Variants in PRR12 observed in about 807,000 individuals in gnomAD.
PRR12 encodes the protein proline rich 12.
Under a neutral mutation model 138.0 loss-of-function variants are expected in PRR12, and 12 were observed. The ratio of observed to expected loss-of-function variants is 0.09; its 90% CI spans 0.06 to 0.14. The LOEUF (loss-of-function observed/expected upper bound fraction) is 0.14. Among genes scored for constraint, PRR12 ranks in the 10% least tolerant of loss-of-function variants. PRR12 has a pLI of 1.00. For missense variants in PRR12, 2,692 were observed against 2,861.3 expected, an observed-to-expected ratio of 0.94 and a Z score of 1.35; for synonymous variants, 1,567 against 1,291.7, an observed-to-expected ratio of 1.21 and a Z score of -4.57.
In PRR12 at chr19:49,597,483, G is replaced by A. The variant is rs2080781580; in HGVS notation, c.3148G>A (p.Ala1050Thr). Residue 1050 changes from alanine (A) to threonine (T), a missense_variant, in exon 4 of 14, where the codon GCG becomes ACG. Ala to Thr is a moderately conservative substitution (Grantham distance 58, BLOSUM62 0). Around this residue, in one of 11 missense-constraint regions of PRR12, gnomAD observed 840 missense variants for 689.8 expected, o/e 1.22. Coordinates refer to ENST00000418929, the MANE Select transcript of PRR12 (RefSeq NM_020719.3). The surrounding 1 kb of genome is among the most constrained non-coding windows in gnomAD (Gnocchi z 6.3). ...PPPPPPPPPPAPASEPKGGLT... is the reference protein window; with the variant it reads ...PPPPPPPPPPTPASEPKGGLT... ...CCCGCCTCCGCCACCGCCGCCTCCC[G>A]CGCCGGCCTCCGAACCCAAGGGTGG... 6.5e-7 allele frequency: 1 copy of A among 1,546,698 alleles called. No individual in the cohort carries two copies. Among genetic ancestry groups the A allele is most frequent in the Non-Finnish European group, 8.7e-7 (1 of 1,147,182 alleles).
In PRR12 at chr19:49,599,528, G is replaced by T; in HGVS notation, c.3935G>T (p.Ser1312Ile). The T allele has an allele frequency of 6.3e-7, 1 of 1,597,612 alleles. No individual in the cohort carries two copies. Among genetic ancestry groups the T allele is most frequent in the Non-Finnish European group, 8.5e-7 (1 of 1,172,720 alleles). ...GLTPPLSPPK[S>I]VPPSVPARGL... The stretch of plus-strand genomic sequence containing the variant: ...ACGCCTCCGCTCAGCCCTCCCAAGA[G>T]TGTGCCACCCTCTGTGCCAGCCCGA... Residue 1312 changes from serine to isoleucine, a missense_variant, in exon 5 of 14, where the codon AGT (serine) becomes ATT (isoleucine). By Grantham distance (142) the Ser-to-Ile change is moderately radical (BLOSUM62 -2). Coordinates refer to ENST00000418929, the MANE Select transcript of PRR12 (RefSeq NM_020719.3). This position sits in a 1 kb window ranked among gnomAD's most constrained non-coding sequence, Gnocchi z 5.0.
At chr19:49,624,530 A>G (rs111648145) in intron 11 of PRR12, among the ~76,000 whole-genome samples, 790 of 79,890 alleles carry the variant, frequency 9.9e-3, no homozygotes, top group Middle Eastern at 0.026. Flanking sequence ...TCTGGGATAG[A>G]TGGTTAGGAT....
chr19:49,606,928 C>G (rs1288693890), intron 6 of PRR12, among the ~76,000 whole-genome samples: 5 of 152,014 alleles, frequency 3.3e-5, no homozygotes, highest in African/African-American at 1.2e-4. Context: ...AGAAAAACAG[C>G]AATCCAATAT....
At chr19:49,593,823 C>T (rs1599783264) in intron 2 of PRR12, among the ~76,000 whole-genome samples, 1 of 152,178 alleles carries the variant, frequency 6.6e-6, no homozygotes, top group Non-Finnish European at 1.5e-5. Flanking sequence ...CTGATTGGCT[C>T]TAATTCTCTG....
At chr19:49,604,440 G>A (rs2080828188) in intron 6 of PRR12, among the ~76,000 whole-genome samples, 1 of 151,736 alleles carries the variant, frequency 6.6e-6, no homozygotes. Flanking sequence ...CACTTTGGGA[G>A]GCCAAGACGG....
chr19:49,620,388 C>T lies in PRR12; in HGVS notation c.5534C>T (p.Ala1845Val), dbSNP rs766921774. The change falls in exon 10 of 14, where the codon GCG (alanine) becomes GTG (valine). Residue 1845 changes from alanine (A) to valine (V), a missense_variant. Physicochemically the swap from Ala to Val is moderately conservative, Grantham distance 64 (BLOSUM62 0). Around this residue, in one of 11 missense-constraint regions of PRR12, gnomAD observed 259 missense variants for 265.1 expected, o/e 0.98. Coordinates refer to ENST00000418929, the MANE Select transcript of PRR12 (RefSeq NM_020719.3). ...AVPGRLLKTR[A>V]MREMYRSYVE... ...CCTGGGCGTCTGCTCAAAACCAGGG[C>T]GATGCGGGAGATGTACCGGAGCTAC... 6.8e-6 allele frequency: 11 copies of T among 1,612,260 alleles called. No homozygotes were observed. Among genetic ancestry groups the T allele is most frequent in the East Asian group, 2.2e-5 (1 of 44,824 alleles).
rs777293184 is a variant in PRR12, at chr19:49,615,872, A to G, written c.5150A>G (p.Gln1717Arg). ...EKTTSEKPPE[Q>R]TPETAMPEPP... ...ACGACATCTGAGAAGCCCCCAGAGCAGACTCCTGAGACGGCCATGCCTGAG... is the reference window on the plus strand; with the variant it reads ...ACGACATCTGAGAAGCCCCCAGAGCGGACTCCTGAGACGGCCATGCCTGAG... The change falls in exon 9 of 14, where the codon CAG (glutamine) becomes CGG (arginine). Residue 1717 changes from glutamine to arginine, a missense_variant. Around this residue, in one of 11 missense-constraint regions of PRR12, gnomAD observed 259 missense variants for 265.1 expected, o/e 0.98. Transcript: ENST00000418929. 2 of 1,589,980 alleles carry G rather than the reference A, an allele frequency of 1.3e-6. No individual in the cohort carries two copies. The highest frequency in any genetic ancestry group is 1.7e-6 in the Non-Finnish European group (2 of 1,168,728).
At chr19:49,609,620 T>C (rs566985687) in intron 6 of PRR12, among the ~76,000 whole-genome samples, 5 of 149,668 alleles carry the variant, frequency 3.3e-5, no homozygotes, top group South Asian at 2.1e-4. Flanking sequence ...AAAAAAAAAT[T>C]TGTTGGATGG....
In PRR12 at chr19:49,625,602, G is replaced by A; in HGVS notation, c.6106G>A (p.Gly2036Arg). Residue 2036 changes from glycine (G) to arginine (R), a missense_variant, in exon 14 of 14, where the codon GGG becomes AGG. This residue lies in a region of PRR12 where 116 missense variants were observed against 243.4 expected (regional missense o/e 0.48). Coordinates refer to ENST00000418929, the MANE Select transcript of PRR12 (RefSeq NM_020719.3). The surrounding 1 kb of genome is among the most constrained non-coding windows in gnomAD (Gnocchi z 5.5). ...LAQAQAHSRC[G>R] ...CCAAGCACAGGCCCACAGCCGCTGCGGGTGACCCCGCCCCAGCTTGTGAGG... is the reference window on the plus strand; with the variant it reads ...CCAAGCACAGGCCCACAGCCGCTGCAGGTGACCCCGCCCCAGCTTGTGAGG... 1.2e-6 allele frequency: 2 copies of A among 1,603,480 alleles called. No individual in the cohort carries two copies. Among genetic ancestry groups the A allele is most frequent in the Non-Finnish European group, 1.7e-6 (2 of 1,174,750 alleles).
chr19:49,598,928 G>T (rs2080793594), intron 4 of PRR12, among the ~76,000 whole-genome samples: 1 of 152,152 alleles, frequency 6.6e-6, no homozygotes, highest in Admixed American at 6.5e-5. Flanking sequence ...CCAAGGTGCT[G>T]GGATTACAGG....
rs1009794104 is a variant in PRR12, at chr19:49,593,552, C to T, written c.199+113C>T. On this transcript the variant is annotated intron_variant, in intron 2 of 13. Coordinates refer to ENST00000418929, the MANE Select transcript of PRR12 (RefSeq NM_020719.3). ...AATTGGCCGTGGCCCGTGCCGTGGC[C>T]CGCCCCTTGCTGTGTCTCCTCTGAT... 11 of 602,758 alleles carry T rather than the reference C, an allele frequency of 1.8e-5. No individual in the cohort carries two copies. The South Asian group carries it at 1.9e-4, about 10-fold the overall frequency. The allele number at this position is 602,758 out of a possible 1,614,324, so 37.3% of individuals were successfully genotyped here.
chr19:49,603,501 G>A (rs188262836), intron 6 of PRR12, among the ~76,000 whole-genome samples: 32 of 152,308 alleles, frequency 2.1e-4, no homozygotes, highest in African/African-American at 6.0e-4. Flanking sequence ...GACCAGCCTG[G>A]CCAACATGGT....
intron 6 of PRR12, among the ~76,000 whole-genome samples, chr19:49,605,564 G>T (rs2080834202): frequency 6.6e-6 from 1 of 152,152 alleles, no homozygotes; most frequent in African/African-American, 2.4e-5. Context: ...GCCCAGCCAG[G>T]AACCCATATT....
chr19:49,615,188 G>A (rs1248055014), intron 8 of PRR12, among the ~76,000 whole-genome samples, 179 bp downstream of exon 8: 1 of 151,338 alleles, frequency 6.6e-6, no homozygotes, highest in African/African-American at 2.4e-5. Flanking sequence ...AGAGAAGGGG[G>A]GATAGAGACC....
rs1156857372 is a variant in PRR12, at chr19:49,616,531, C to T, written c.5497+312C>T. ...TGTTGGGTGCCCAGCAGAGTTGCAA[C>T]TGAGCCCAGGGTGCCTCGGACTCTG... On this transcript the variant is annotated intron_variant, in intron 9 of 13. Coordinates refer to ENST00000418929, the MANE Select transcript of PRR12 (RefSeq NM_020719.3). The surrounding 1 kb of genome is among the most constrained non-coding windows in gnomAD (Gnocchi z 4.2). Among the ~76,000 whole-genome samples the T allele has an allele frequency of 1.3e-5, 2 of 152,156 alleles. No homozygotes were observed. The highest frequency in any genetic ancestry group is 4.8e-5 in the African/African-American group (2 of 41,438).
At chr19:49,620,271 C>T (rs1301400450) in intron 9 of PRR12, 81 bp from the exon 10 acceptor site, 7 of 1,568,878 alleles carry the variant, frequency 4.5e-6, no homozygotes, top group Non-Finnish European at 6.1e-6. Context: ...TTCCGGTCCC[C>T]AGTGTTGAGA....
chr19:49,599,126 A>G lies in PRR12; in HGVS notation c.3679-146A>G, dbSNP rs973162104. The G allele has an allele frequency of 1.3e-6, 1 of 774,312 alleles. No individual in the cohort carries two copies. Among genetic ancestry groups the G allele is most frequent in the South Asian group, 2.1e-5 (1 of 48,008 alleles). 48.0% of individuals were successfully genotyped at this position (774,312 alleles called of 1,614,324 possible). On this transcript the variant is annotated intron_variant, in intron 4 of 13. Coordinates refer to ENST00000418929, the MANE Select transcript of PRR12 (RefSeq NM_020719.3). The surrounding 1 kb of genome is among the most constrained non-coding windows in gnomAD (Gnocchi z 5.0). ...GGAGGAACTCCAGTCTTGTCCTCCT[A>G]GAATCTAAGACAAGGGGTCTGCAGG...
In PRR12 at chr19:49,620,464, G is replaced by A; in HGVS notation, c.5610G>A (p.Leu1870=). ...TTGACCCAGACATGATCCAGGCCCTGGAGGACACGCATGGTGAGCTGAGGC... is the reference window on the plus strand; with the variant it reads ...TTGACCCAGACATGATCCAGGCCCTAGAGGACACGCATGGTGAGCTGAGGC... ...TALDPDMIQA[L]EDTHDELYLP... The change falls in exon 10 of 14, where the codon CTG becomes CTA. Residue 1870 remains leucine, a synonymous_variant. Coordinates refer to ENST00000418929, the MANE Select transcript of PRR12 (RefSeq NM_020719.3). 6.4e-7 allele frequency: 1 copy of A among 1,567,236 alleles called. No individual in the cohort carries two copies. The highest frequency in any genetic ancestry group is 2.4e-5 in the East Asian group (1 of 42,106).
intron 5 of PRR12, 145 bp from the exon 6 acceptor site, chr19:49,601,346 G>A: frequency 1.6e-6 from 1 of 607,112 alleles, no homozygotes; most frequent in Non-Finnish European, 2.9e-6. Context: ...TCTCTGGAGA[G>A]ACTCTGATAG....
Sources: allele counts gnomAD v4.1 joint callset (sites outside exome capture counted in the v4.1 genomes callset), GRCh38; gene constraint gnomAD v4.1.1; regional missense constraint gnomAD v4.1.1; non-coding constraint Gnocchi (gnomAD v3.1); transcripts MANE v1.5; gene names NCBI Gene and HGNC (gene_info 2026-07-23, HGNC 2026-07-21).